LHFPL6: variants seen among roughly 807,000 people sequenced by gnomAD.
The protein encoded by LHFPL6 is LHFPL tetraspan subfamily member 6 protein.
A neutral mutation model predicts 20.6 loss-of-function variants in LHFPL6; 9 were observed. The ratio of observed to expected loss-of-function variants is 0.44; its 90% CI spans 0.26 to 0.76. The LOEUF is 0.76. Among genes scored for constraint, LHFPL6 ranks in the 30% least tolerant of loss-of-function variants. The pLI is 0.20. For missense variants in LHFPL6, 218 were observed against 253.5 expected (o/e 0.86, Z 0.95); for synonymous variants, 105 against 98.7 (o/e 1.06, Z -0.38).
intron 2 of LHFPL6, among the ~76,000 whole-genome samples, chr13:39,406,445 A>G (rs972774271): frequency 2.6e-5 from 4 of 152,180 alleles, no homozygotes; most frequent in Admixed American, 2.0e-4. Context: ...ATTCCTTAAA[A>G]TTTTAAACTT....
chr13:39,594,574 C>A (rs1299067094), intron 2 of LHFPL6, among the ~76,000 whole-genome samples: 2 of 152,144 alleles, frequency 1.3e-5, no homozygotes, highest in Admixed American at 6.5e-5. Flanking sequence ...CCTCAGGGAT[C>A]TAGAACTAGA....
At chr13:39,494,681 C>T (rs1869038660) in intron 2 of LHFPL6, among the ~76,000 whole-genome samples, 1 of 152,204 alleles carries the variant, frequency 6.6e-6, no homozygotes, top group Non-Finnish European at 1.5e-5. Flanking sequence ...CTTTCTATAG[C>T]TACAGCTCAC....
At chr13:39,516,560 C>T (rs1869925879) in intron 2 of LHFPL6, among the ~76,000 whole-genome samples, 1 of 152,174 alleles carries the variant, frequency 6.6e-6, no homozygotes, top group Admixed American at 6.5e-5. Context: ...TAAACACAGC[C>T]AGTTCATAAG....
intron 2 of LHFPL6, among the ~76,000 whole-genome samples, chr13:39,551,793 G>A (rs993411920): frequency 6.6e-6 from 1 of 151,946 alleles, no homozygotes; most frequent in Non-Finnish European, 1.5e-5. Context: ...TTTATTTCTG[G>A]CATCTTCTTT....
At chr13:39,538,845 T>C (rs1455742661) in intron 2 of LHFPL6, among the ~76,000 whole-genome samples, 1 of 152,200 alleles carries the variant, frequency 6.6e-6, no homozygotes, top group Non-Finnish European at 1.5e-5. Flanking sequence ...ACCTGCAATT[T>C]ACACTAAAAT....
intron 2 of LHFPL6, among the ~76,000 whole-genome samples, chr13:39,468,643 A>C (rs1174353863): frequency 3.3e-5 from 5 of 152,204 alleles, no homozygotes; most frequent in Admixed American, 2.0e-4. Context: ...AGGATTATTC[A>C]TATCCCCAGG....
At chr13:39,529,828 A>G (rs1870408356) in intron 2 of LHFPL6, among the ~76,000 whole-genome samples, 1 of 152,250 alleles carries the variant, frequency 6.6e-6, no homozygotes, top group Non-Finnish European at 1.5e-5. Context: ...TTATAATCCA[A>G]AAGGAGGAAA....
chr13:39,493,027 T>G (rs75290625), intron 2 of LHFPL6, among the ~76,000 whole-genome samples: 1 of 152,162 alleles, frequency 6.6e-6, no homozygotes, highest in East Asian at 1.9e-4. Context: ...TGTTCCATCA[T>G]GTGAATATGC....
At chr13:39,362,723 G>C (rs905441831) in intron 3 of LHFPL6, among the ~76,000 whole-genome samples, 9 of 152,184 alleles carry the variant, frequency 5.9e-5, no homozygotes, top group Non-Finnish European at 1.2e-4. Flanking sequence ...CCTGCCCTCT[G>C]GCCACATCCC....
intron 2 of LHFPL6, among the ~76,000 whole-genome samples, chr13:39,466,254 T>A (rs1301252758): frequency 6.6e-6 from 1 of 152,188 alleles, no homozygotes; most frequent in African/African-American, 2.4e-5. Flanking sequence ...TGCCACATAA[T>A]TCTAGATACT....
intron 2 of LHFPL6, among the ~76,000 whole-genome samples, chr13:39,421,925 G>C (rs1871500519): frequency 6.6e-6 from 1 of 152,174 alleles, no homozygotes; most frequent in African/African-American, 2.4e-5. Flanking sequence ...AGAATGGTCA[G>C]GTAGACTAGT....
At chr13:39,448,395 G>A (rs986805631) in intron 2 of LHFPL6, among the ~76,000 whole-genome samples, 1 of 152,174 alleles carries the variant, frequency 6.6e-6, no homozygotes, top group Non-Finnish European at 1.5e-5. Context: ...AAGTGGGGAA[G>A]TTTGCAAAAT....
chr13:39,491,263 C>CA (rs1292953284), intron 2 of LHFPL6, among the ~76,000 whole-genome samples: 15 of 152,128 alleles, frequency 9.9e-5, no homozygotes, highest in Non-Finnish European at 1.8e-4. Flanking sequence ...GCAGAAGTGA[C>CA]ATGTGAAGTA....
chr13:39,410,892 C>T lies in LHFPL6; in HGVS notation c.386-32366G>A, dbSNP rs553235031. Among the ~76,000 whole-genome samples, 5 of 152,326 alleles carry T rather than the reference C, an allele frequency of 3.3e-5. No individual in the cohort carries two copies. The South Asian group carries it at 1.0e-3, about 32-fold the overall frequency. On this transcript the variant is annotated intron_variant, in intron 2 of 3. Transcript: ENST00000379589. ...AGGGAAAAAGAGAAATCTACAACTT[C>T]CTGATCACACAACTGCTTGGCTTAC... is the stretch of plus-strand genomic sequence containing the variant.
chr13:39,489,616 A>G (rs7335002), intron 2 of LHFPL6, among the ~76,000 whole-genome samples: 99,074 of 150,886 alleles, frequency 0.66, 32,742 homozygotes, highest in East Asian at 0.85. Context: ...GTGCAGGGGC[A>G]TGATCTCGGC....
chr13:39,346,232 C>T (rs1869397339), intron 3 of LHFPL6, among the ~76,000 whole-genome samples: 1 of 152,092 alleles, frequency 6.6e-6, no homozygotes, highest in South Asian at 2.1e-4. Context: ...TCAACAGCAG[C>T]AAAATTTGAT....
intron 2 of LHFPL6, among the ~76,000 whole-genome samples, chr13:39,456,604 A>G (rs1044937926): frequency 6.6e-6 from 1 of 152,216 alleles, no homozygotes; most frequent in Non-Finnish European, 1.5e-5. Flanking sequence ...TGCCAAGGAA[A>G]TTTAATGAGA....
intron 3 of LHFPL6, among the ~76,000 whole-genome samples, chr13:39,377,597 T>C (rs977889355): frequency 2.0e-5 from 3 of 152,126 alleles, no homozygotes; most frequent in Admixed American, 2.0e-4. Context: ...TAAATGTAGG[T>C]TTATCAAGCA....
chr13:39,460,163 A>G (rs1329827781), intron 2 of LHFPL6, among the ~76,000 whole-genome samples: 1 of 152,232 alleles, frequency 6.6e-6, no homozygotes, highest in African/African-American at 2.4e-5. Context: ...AGCTCACACC[A>G]TACGATGCTT....
Sources: gnomAD v4.1 joint callset for allele counts (sites outside exome capture counted in the v4.1 genomes callset) on GRCh38, gnomAD v4.1.1 for gene constraint, MANE v1.5 for transcripts, NCBI Gene and HGNC (gene_info 2026-07-23, HGNC 2026-07-21) for gene names.